LAMA3: variants seen among roughly 807,000 people sequenced by gnomAD.
LAMA3 encodes the protein laminin subunit alpha 3.
Under a neutral mutation model 402.0 loss-of-function variants are expected in LAMA3, and 281 were observed. The ratio of observed to expected loss-of-function variants is 0.70; its 90% CI spans 0.63 to 0.77. The LOEUF is 0.77. LAMA3 is among the 30% of genes least tolerant of loss of function. LAMA3 has a pLI of 0.00. For missense variants in LAMA3, 3,840 were observed against 4,215.5 expected, an observed-to-expected ratio of 0.91 and a Z score of 2.47; for synonymous variants, 1,431 against 1,558.4, an observed-to-expected ratio of 0.92 and a Z score of 1.93.
In LAMA3 at chr18:23,784,006, T is replaced by A; in HGVS notation, c.1469-17T>A. The A allele has an allele frequency of 6.2e-7, 1 of 1,614,102 alleles. No individual in the cohort carries two copies. The highest frequency in any genetic ancestry group is 1.1e-5 in the South Asian group (1 of 91,076). On this transcript the variant is annotated splice_polypyrimidine_tract_variant and intron_variant, in intron 11 of 74. Coordinates refer to ENST00000313654, the MANE Select transcript of LAMA3 (RefSeq NM_198129.4). The stretch of plus-strand genomic sequence containing the variant: ...GGAAGATGGAGACCCCTTCTGAAAG[T>A]TTCCTGTCTTCTGCAGGGTGTGACT...
rs114577367 is a variant in LAMA3 at position 23,835,785 on chromosome 18, C to G, written c.2985-1196C>G. Among the ~76,000 whole-genome samples the G allele has an allele frequency of 2.5e-3, 379 of 151,962 alleles. 1 individual carries two copies. Among genetic ancestry groups the G allele is most frequent in the African/African-American group, 8.8e-3 (364 of 41,416 alleles). The stretch of plus-strand genomic sequence containing the variant: ...TGAAAACCTATGTTAAATGACAGGC[C>G]CTTTCAGTGTTGCAGCATCTTCTGC... On this transcript the variant is annotated intron_variant, in intron 24 of 74. Transcript: ENST00000313654.
intron 44 of LAMA3, among the ~76,000 whole-genome samples, chr18:23,897,573 A>G (rs1280760334): frequency 2.6e-5 from 4 of 152,192 alleles, no homozygotes; most frequent in Non-Finnish European, 5.9e-5. Context: ...TTAAACAGGC[A>G]TGGAGAAGCT....
rs2080826536 is a variant in LAMA3 at position 23,894,973 on chromosome 18, T to A, written c.5528T>A (p.Val1843Asp). ...LATMGEQLRL[V>D]KSQLQGLSAS... ...ACCATGGGCGAGCAGCTCCGCCTGG[T>A]CAAGTCTCAGCTGCAGGGCCTGAGT... The change falls in exon 44 of 75, where the codon GTC becomes GAC. Residue 1843 changes from valine to aspartate, a missense_variant. By Grantham distance (152) the Val-to-Asp change is radical (BLOSUM62 -3). This residue lies in a region of LAMA3 where 891 missense variants were observed against 857.5 expected (regional missense o/e 1.04). Coordinates refer to ENST00000313654, the MANE Select transcript of LAMA3 (RefSeq NM_198129.4). 1 of 1,614,058 alleles carries A rather than the reference T, an allele frequency of 6.2e-7. No individual in the cohort carries two copies. The highest frequency in any genetic ancestry group is 1.3e-5 in the African/African-American group (1 of 75,052).
chr18:23,794,708 G>A (rs2062728994), intron 12 of LAMA3, among the ~76,000 whole-genome samples: 1 of 152,148 alleles, frequency 6.6e-6, no homozygotes, highest in South Asian at 2.1e-4. Flanking sequence ...AATTGAAAAG[G>A]GCCGTGGGAG....
chr18:23,880,159 T>C (rs1474432894), intron 39 of LAMA3, among the ~76,000 whole-genome samples: 1 of 152,120 alleles, frequency 6.6e-6, no homozygotes, highest in Non-Finnish European at 1.5e-5. Flanking sequence ...GACTCCTCTG[T>C]GGAGCTAATC....
In LAMA3 at chr18:23,899,412, G is replaced by T. The variant is rs34156482; in HGVS notation, c.5961G>T (p.Lys1987Asn). The T allele has an allele frequency of 6.2e-6, 10 of 1,614,038 alleles. No individual in the cohort carries two copies. The highest frequency in any genetic ancestry group is 4.0e-5 in the African/African-American group (3 of 74,924). ...AACTGCGGAACAGGAACTTTGGAAAGCACCTCAGAGAAGCAGAAGCTGATA... is the reference window on the plus strand; with the variant it reads ...AACTGCGGAACAGGAACTTTGGAAATCACCTCAGAGAAGCAGAAGCTGATA... The part of the protein sequence containing the change: ...MRELRNRNFG[K>N]HLREAEADKR... Residue 1987 changes from lysine to asparagine, a missense_variant, in exon 47 of 75, where the codon AAG (lysine) becomes AAT (asparagine). Physicochemically the swap from Lys to Asn is moderately conservative, Grantham distance 94 (BLOSUM62 0). Coordinates refer to ENST00000313654, the MANE Select transcript of LAMA3 (RefSeq NM_198129.4).
chr18:23,697,668 C>G (rs1409895724), intron 1 of LAMA3, among the ~76,000 whole-genome samples: 2 of 152,034 alleles, frequency 1.3e-5, no homozygotes, highest in Non-Finnish European at 2.9e-5. Context: ...AAATGCTTAA[C>G]TGGTAAGTAT....
At chr18:23,896,572 G>C (rs561086660) in intron 44 of LAMA3, among the ~76,000 whole-genome samples, 1 of 152,260 alleles carries the variant, frequency 6.6e-6, no homozygotes, top group South Asian at 2.1e-4. Flanking sequence ...GAATATGGCT[G>C]AGAGGGTATC....
chr18:23,810,309 C>T (rs2063042520), intron 12 of LAMA3, 57 bp from the exon 13 acceptor site: 2 of 1,601,144 alleles, frequency 1.2e-6, no homozygotes, highest in East Asian at 4.5e-5. Flanking sequence ...GGACGTGGTT[C>T]TTCCCCCTCC....
Position 23,914,414 on chromosome 18 carries a change from C to T in LAMA3, c.7334C>T (p.Ser2445Phe). ...GAGGTGGCCCTTTGTCTCCAGGCCT[C>T]CCGGGACTACATCGGCATGGCAGTT... ...FVMYLGNKDA[S>F]RDYIGMAVVD... Residue 2445 changes from serine (S) to phenylalanine (F), a missense_variant, in exon 57 of 75, where the codon TCC (serine) becomes TTC (phenylalanine). This residue lies in a region of LAMA3 where 891 missense variants were observed against 857.5 expected (regional missense o/e 1.04). Transcript: ENST00000313654. 6.2e-7 allele frequency: 1 copy of T among 1,614,158 alleles called. No individual in the cohort carries two copies. Among genetic ancestry groups the T allele is most frequent in the Non-Finnish European group, 8.5e-7 (1 of 1,180,028 alleles).
At chr18:23,734,767 G>A (rs1477643524) in intron 2 of LAMA3, among the ~76,000 whole-genome samples, 1 of 152,192 alleles carries the variant, frequency 6.6e-6, no homozygotes, top group Non-Finnish European at 1.5e-5. Flanking sequence ...ACCAGTCCTG[G>A]GTTTGGTTTA....
At chr18:23,850,177 A>G (rs754977505) in intron 32 of LAMA3, among the ~76,000 whole-genome samples, 1 of 152,244 alleles carries the variant, frequency 6.6e-6, no homozygotes, top group Non-Finnish European at 1.5e-5. Flanking sequence ...CTTGTCCTGC[A>G]GTTGTACAAA....
At chr18:23,835,623 T>A (rs4800515) in intron 24 of LAMA3, among the ~76,000 whole-genome samples, 22,627 of 152,024 alleles carry the variant, frequency 0.15, 3,672 homozygotes, top group African/African-American at 0.39. Flanking sequence ...CTCCAAGGAG[T>A]GTCCCGTTCT....
chr18:23,789,900 G>T (rs2062617956), intron 12 of LAMA3, among the ~76,000 whole-genome samples: 1 of 152,116 alleles, frequency 6.6e-6, no homozygotes. Flanking sequence ...CTAAAGAAGG[G>T]TTATTCCTCC....
At chr18:23,789,394 A>T (rs1057333790) in intron 12 of LAMA3, among the ~76,000 whole-genome samples, 1 of 152,214 alleles carries the variant, frequency 6.6e-6, no homozygotes, top group Non-Finnish European at 1.5e-5. Flanking sequence ...CATTATTCAA[A>T]ATAGCCAAAA....
rs201412537 is a variant in LAMA3, at chr18:23,943,881, A to G, written c.9120A>G (p.Ser3040=). The part of the protein sequence containing the change: ...TKNSFMALYL[S]KGRLVFALGT... ...ACTCCTTTATGGCTCTTTATCTTTC[A>G]AAAGGACGTCTGGTCTTTGCACTGG... The change falls in exon 69 of 75, where the codon TCA becomes TCG. Residue 3040 remains serine, a synonymous_variant. Transcript: ENST00000313654. The G allele has an allele frequency of 2.5e-6, 4 of 1,614,068 alleles. No homozygotes were observed. In the Admixed American group the frequency reaches 5.0e-5, roughly 20 times the overall value.
rs778151164 is a variant in LAMA3 at position 23,912,844 on chromosome 18, C to T, written c.7292C>T (p.Thr2431Ile). The change falls in exon 56 of 75, where the codon ACT becomes ATT. Residue 2431 changes from threonine to isoleucine, a missense_variant. Thr to Ile is a moderately conservative substitution (Grantham distance 89). Transcript: ENST00000313654. ...QRPNSRENGGTENMFVMYLGN... is the reference protein window; with the variant it reads ...QRPNSRENGGIENMFVMYLGN... ...CCCAACTCAAGAGAAAATGGGGGTACTGAGAATATGTTTGTGATGTACCTT... is the reference window on the plus strand; with the variant it reads ...CCCAACTCAAGAGAAAATGGGGGTATTGAGAATATGTTTGTGATGTACCTT... 8.7e-6 allele frequency: 14 copies of T among 1,613,868 alleles called. No homozygotes were observed. The highest frequency in any genetic ancestry group is 1.6e-4 in the Middle Eastern group (1 of 6,084).
At chr18:23,871,728 A>T in intron 38 of LAMA3, 67 bp downstream of exon 38, 2 of 1,297,116 alleles carry the variant, frequency 1.5e-6, no homozygotes, top group Non-Finnish European at 1.1e-6. Flanking sequence ...GCTGCTGTCC[A>T]GCACTGTGGG....
intron 12 of LAMA3, among the ~76,000 whole-genome samples, chr18:23,791,768 C>T (rs1388512801): frequency 6.6e-6 from 1 of 150,894 alleles, no homozygotes; most frequent in African/African-American, 2.4e-5. Flanking sequence ...CACAAAACCC[C>T]CCAAAAAACC....
Sources: gnomAD v4.1 joint callset for allele counts (sites outside exome capture counted in the v4.1 genomes callset) on GRCh38, gnomAD v4.1.1 for gene constraint, gnomAD v4.1.1 regional missense constraint, MANE v1.5 for transcripts, NCBI Gene and HGNC (gene_info 2026-07-23, HGNC 2026-07-21) for gene names.